Variants in SUGCT observed in about 807,000 individuals in gnomAD.
SUGCT encodes the protein succinyl-CoA:glutarate-CoA transferase.
In SUGCT, 41 loss-of-function variants were observed where a neutral mutation model predicts 55.0. That is an observed-to-expected ratio of 0.74 (90% CI 0.58 to 0.97). The LOEUF is 0.97. SUGCT is among the 50% of genes least tolerant of loss of function. The pLI is 0.00. For synonymous variants in SUGCT, 187 were observed against 200.4 expected (o/e 0.93, Z 0.56); for missense variants, 568 against 547.8 (o/e 1.04, Z -0.37).
At position 40,459,903 on chromosome 7, in the gene SUGCT, T is replaced by C. The variant is rs563916178; in HGVS notation, c.986+705T>C. 3.3e-5 allele frequency among the ~76,000 whole-genome samples: 5 copies of C among 152,362 alleles called. No individual in the cohort carries two copies. In the East Asian group the frequency reaches 5.8e-4, roughly 18 times the overall value. ...TACTGTTTCATGTCAGTTTCACTTT[T>C]TGTTTGCCTTTACATGTCTTCTGAA... On this transcript the variant is annotated intron_variant, in intron 11 of 13. Transcript: ENST00000335693.
At chr7:40,543,801 G>C (rs1583943675) in intron 12 of SUGCT, among the ~76,000 whole-genome samples, 1 of 152,168 alleles carries the variant, frequency 6.6e-6, no homozygotes, top group African/African-American at 2.4e-5. Context: ...CCCCCAGTAG[G>C]GAGTTTGTAG....
intron 12 of SUGCT, among the ~76,000 whole-genome samples, chr7:40,542,740 T>TAAGAATGCCCCTTC (rs939613347): frequency 1.2e-4 from 19 of 152,072 alleles, no homozygotes; most frequent in Admixed American, 7.2e-4. Flanking sequence ...AACAAATGGG[T>TAAGAATGCCCCTTC]AAGAACAAAA....
chr7:40,177,800 AG>A (rs1017151820), intron 1 of SUGCT, among the ~76,000 whole-genome samples: 1 of 152,028 alleles, frequency 6.6e-6, no homozygotes, highest in East Asian at 1.9e-4. Context: ...CCCAGGCTGG[AG>A]TGCAGTGGTG....
chr7:40,634,204 A>G (rs1799920587), intron 12 of SUGCT, among the ~76,000 whole-genome samples: 1 of 152,234 alleles, frequency 6.6e-6, no homozygotes, highest in South Asian at 2.1e-4. Context: ...TTTCTGCTGA[A>G]CAAAAACACA....
intron 12 of SUGCT, among the ~76,000 whole-genome samples, chr7:40,565,623 A>G (rs1300397300): frequency 1.3e-5 from 2 of 152,074 alleles, no homozygotes; most frequent in South Asian, 4.1e-4. Context: ...TTCTGCTCAA[A>G]TCCTCCGATG....
the SUGCT span, among the ~76,000 whole-genome samples, chr7:40,907,871 TATTA>T: frequency 6.6e-6 from 1 of 152,204 alleles, no homozygotes; most frequent in Non-Finnish European, 1.5e-5. Flanking sequence ...AAGAAAAGTT[TATTA>T]ATTTATTTAT....
intron 12 of SUGCT, among the ~76,000 whole-genome samples, chr7:40,634,534 G>C (rs1245015508): frequency 6.6e-6 from 1 of 152,190 alleles, no homozygotes; most frequent in East Asian, 1.9e-4. Flanking sequence ...ACTGTAGACT[G>C]TGGTGTCAGG....
chr7:40,229,289 C>T (rs1045205404), intron 6 of SUGCT, among the ~76,000 whole-genome samples: 2 of 152,118 alleles, frequency 1.3e-5, no homozygotes, highest in Non-Finnish European at 2.9e-5. Flanking sequence ...GAGGCCAAGG[C>T]GGGTGGATCA....
chr7:40,287,374 A>G (rs1393516285), intron 8 of SUGCT, among the ~76,000 whole-genome samples: 1 of 152,156 alleles, frequency 6.6e-6, no homozygotes, highest in Non-Finnish European at 1.5e-5. Flanking sequence ...CCTGGACAGA[A>G]ATCCAGTACA....
chr7:40,224,828 TA>T (rs1391914875), intron 6 of SUGCT, among the ~76,000 whole-genome samples: 3 of 152,170 alleles, frequency 2.0e-5, no homozygotes, highest in African/African-American at 7.2e-5. Flanking sequence ...ATGTTCCAAG[TA>T]GGGAGGAATT....
intron 1 of SUGCT, among the ~76,000 whole-genome samples, chr7:40,172,550 G>A (rs1784727212): frequency 1.3e-5 from 2 of 152,110 alleles, no homozygotes; most frequent in African/African-American, 4.8e-5. Context: ...TAGATTCAGA[G>A]GTAAGGAGAA....
chr7:40,645,292 G>GT (rs1255341085), intron 12 of SUGCT, among the ~76,000 whole-genome samples: 1 of 152,172 alleles, frequency 6.6e-6, no homozygotes, highest in Non-Finnish European at 1.5e-5. Flanking sequence ...GCAAGTGAGA[G>GT]GACAGTCCTA....
intron 12 of SUGCT, among the ~76,000 whole-genome samples, chr7:40,639,859 A>T (rs1409675684): frequency 6.6e-6 from 1 of 152,064 alleles, no homozygotes; most frequent in Non-Finnish European, 1.5e-5. Context: ...TCTGTAAAGG[A>T]TGTCATTCAG....
chr7:40,275,680 TAAAG>T (rs1792422082), intron 8 of SUGCT, among the ~76,000 whole-genome samples: 1 of 152,120 alleles, frequency 6.6e-6, no homozygotes, highest in South Asian at 2.1e-4. Flanking sequence ...GTGATGAAAA[TAAAG>T]ATACACTTTT....
At position 40,487,250 on chromosome 7, in the gene SUGCT, GTTTTTTTTTTTTTTTTT is replaced by G. The variant is rs1167865633; in HGVS notation, c.987-9022_987-9006del. Among the ~76,000 whole-genome samples, 363 of 42,918 alleles carry G rather than the reference GTTTTTTTTTTTTTTTTT, an allele frequency of 8.5e-3. 7 individuals are homozygous for G. Among genetic ancestry groups the G allele is most frequent in the Non-Finnish European group, 7.9e-3 (175 of 22,032 alleles). 28.2% of individuals were successfully genotyped at this position (42,918 alleles called of 152,430 possible). Reference sequence around the variant, plus strand: ...CAGGCATGTGCCACCACACCCAGCTGTTTTTTTTTTTTTTTTTTTTTTTTTTTTGTATTTTTAGTAGA... The same window carrying G: ...CAGGCATGTGCCACCACACCCAGCTGTTTTTTTTTTTGTATTTTTAGTAGA... On this transcript the variant is annotated intron_variant, in intron 11 of 13. Transcript: ENST00000335693.
intron 9 of SUGCT, among the ~76,000 whole-genome samples, chr7:40,405,808 TAAAAAAAAAA>T (rs60966218): frequency 1.1e-5 from 1 of 90,954 alleles, no homozygotes; most frequent in East Asian, 2.8e-4. Flanking sequence ...AGACTCTGTC[TAAAAAAAAAA>T]AAAAAAAAAA....
chr7:40,180,355 T>A (rs1785128382), intron 1 of SUGCT, among the ~76,000 whole-genome samples: 1 of 151,978 alleles, frequency 6.6e-6, no homozygotes, highest in South Asian at 2.1e-4. Context: ...TGACCTCAAG[T>A]GATCCACCCG....
chr7:40,460,823 T>A (rs1224782927), intron 11 of SUGCT, among the ~76,000 whole-genome samples: 4 of 152,184 alleles, frequency 2.6e-5, no homozygotes, highest in Admixed American at 6.5e-5. Flanking sequence ...AGTTTCAGCA[T>A]TTTGGTATCT....
intron 1 of SUGCT, among the ~76,000 whole-genome samples, chr7:40,156,419 C>G (rs550973460): frequency 6.6e-6 from 1 of 152,032 alleles, no homozygotes. Context: ...ACCGAGATCA[C>G]GCTACTGCAC....
Sources: gnomAD v4.1 joint callset for allele counts (sites outside exome capture counted in the v4.1 genomes callset) on GRCh38, gnomAD v4.1.1 for gene constraint, MANE v1.5 for transcripts, NCBI Gene and HGNC (gene_info 2026-07-23, HGNC 2026-07-21) for gene names.